Variants in ABCB5 observed in about 807,000 individuals in gnomAD.
ABCB5 encodes ATP binding cassette subfamily B member 5, also known as ATP-binding cassette sub-family B member 5.
Under a neutral mutation model 144.2 loss-of-function variants are expected in ABCB5, and 155 were observed. The observed-to-expected ratio is 1.08, with a 90% CI of 0.94 to 1.23. The LOEUF is 1.23. ABCB5 is among the 50% of genes most tolerant of loss of function. ABCB5 has a pLI of 0.00. For missense variants in ABCB5, 1,830 were observed against 1,520.8 expected, an observed-to-expected ratio of 1.20 and a Z score of -3.38; for synonymous variants, 610 against 528.6, an observed-to-expected ratio of 1.15 and a Z score of -2.11.
intron 20 of ABCB5, among the ~76,000 whole-genome samples, chr7:20,717,689 G>T (rs1412275534): frequency 1.3e-5 from 2 of 151,282 alleles, no homozygotes; most frequent in African/African-American, 2.4e-5. Flanking sequence ...TGCCCGCCTC[G>T]GCCTCCCAAA....
At chr7:20,703,336 T>C (rs1416955781) in intron 19 of ABCB5, among the ~76,000 whole-genome samples, 1 of 152,194 alleles carries the variant, frequency 6.6e-6, no homozygotes, top group Non-Finnish European at 1.5e-5. Flanking sequence ...TGTTAGGCTC[T>C]TGCCTGGGAT....
intron 13 of ABCB5, 26 bp downstream of exon 13, chr7:20,651,649 C>A: frequency 6.2e-7 from 1 of 1,610,116 alleles, no homozygotes; most frequent in Non-Finnish European, 8.5e-7. Flanking sequence ...AGCCTGTGTC[C>A]TTAGCTTATG....
chr7:20,662,164 C>T (rs993904104), intron 14 of ABCB5, among the ~76,000 whole-genome samples: 4 of 152,146 alleles, frequency 2.6e-5, no homozygotes, highest in Admixed American at 6.5e-5. Flanking sequence ...AAGGGAGTTT[C>T]GGCCACACCA....
rs1482615990 is a variant in ABCB5 at position 20,711,883 on chromosome 7, TC to T, written c.2421+7079del. Among the ~76,000 whole-genome samples the T allele has an allele frequency of 1.8e-3, 195 of 108,120 alleles. 19 individuals are homozygous for T. The highest frequency in any genetic ancestry group is 6.2e-3 in the African/African-American group (176 of 28,292). 70.9% of individuals were successfully genotyped at this position (108,120 alleles called of 152,430 possible). On this transcript the variant is annotated intron_variant, in intron 20 of 27. Coordinates refer to ENST00000404938, the MANE Select transcript of ABCB5 (RefSeq NM_001163941.2). Reference sequence around the variant, plus strand: ...TTTCCTTCCTCCCTCCCTCCCTCCCTCCCTCCCTCCTTCCTTCCTTCCTTCC... The same window carrying T: ...TTTCCTTCCTCCCTCCCTCCCTCCCTCCTCCCTCCTTCCTTCCTTCCTTCC...
intron 23 of ABCB5, 110 bp from the exon 24 acceptor site, chr7:20,738,873 C>G: frequency 1.6e-6 from 2 of 1,249,376 alleles, no homozygotes; most frequent in African/African-American, 3.1e-5. Flanking sequence ...GGGGTGCCGT[C>G]TACATCAAAA....
chr7:20,730,237 T>G (rs1449372402), intron 23 of ABCB5, among the ~76,000 whole-genome samples: 4 of 152,238 alleles, frequency 2.6e-5, no homozygotes. Flanking sequence ...GGGCTGGATG[T>G]GGTGGCTCAT....
At chr7:20,716,303 C>A (rs533825525) in intron 20 of ABCB5, among the ~76,000 whole-genome samples, 115 of 152,190 alleles carry the variant, frequency 7.6e-4, no homozygotes, top group African/African-American at 2.7e-3. Context: ...TAATTGATGA[C>A]AAGTAATTCT....
intron 23 of ABCB5, among the ~76,000 whole-genome samples, chr7:20,735,199 G>A (rs1782345719): frequency 1.3e-5 from 2 of 152,218 alleles, no homozygotes. Context: ...AAAACTGCCT[G>A]AGAAGCAGAA....
chr7:20,753,381 C>T lies in ABCB5; in HGVS notation c.3451C>T (p.Leu1151=), dbSNP rs534889814. The change falls in exon 27 of 28, where the codon CTG becomes TTG. Residue 1151 remains leucine (L), a synonymous_variant. Transcript: ENST00000404938. Reference sequence around the variant, plus strand: ...ATAGAAATACAACACACAAGTTGGACTGAAAGGAGCACAGCTTTCTGGCGG... The same window carrying T: ...ATAGAAATACAACACACAAGTTGGATTGAAAGGAGCACAGCTTTCTGGCGG... The part of the protein sequence containing the change: ...LPEKYNTQVG[L]KGAQLSGGQK... 1.2e-6 allele frequency: 2 copies of T among 1,613,422 alleles called. No individual in the cohort carries two copies. The highest frequency in any genetic ancestry group is 1.7e-5 in the Admixed American group (1 of 59,954).
At chr7:20,626,502 T>C in intron 2 of ABCB5, 55 bp from the exon 3 acceptor site, 1 of 1,525,944 alleles carries the variant, frequency 6.6e-7, no homozygotes, top group South Asian at 1.2e-5. Flanking sequence ...AATGGAAAAA[T>C]TTTGCAAATT....
rs1783098480 is a variant in ABCB5 at position 20,756,750 on chromosome 7, A to C, written c.*1126A>C. On this transcript the variant is annotated 3_prime_UTR_variant, in exon 28 of 28. Transcript: ENST00000404938. ...TTTTATATATACTTTATCATATATA[A>C]TGTGTGAATGATTTTAAAGTTCTGT... The C allele has an allele frequency of 6.6e-6, 1 of 152,184 alleles. No homozygotes were observed. The highest frequency in any genetic ancestry group is 2.1e-4 in the South Asian group (1 of 4,832). The allele number at this position is 152,184 out of a possible 1,614,324, so 9.4% of individuals were successfully genotyped here.
chr7:20,668,171 G>C (rs1293971980), intron 14 of ABCB5, among the ~76,000 whole-genome samples: 15 of 143,390 alleles, frequency 1.0e-4, no homozygotes, highest in African/African-American at 4.0e-4. Flanking sequence ...GAGCGTCTCT[G>C]CCTGGCCCCC....
intron 16 of ABCB5, among the ~76,000 whole-genome samples, chr7:20,688,302 T>C (rs67937303): frequency 0.19 from 29,309 of 152,144 alleles, 2,862 homozygotes; most frequent in East Asian, 0.24. Flanking sequence ...GGGAGTTCTA[T>C]TAGTCTGGGT....
intron 20 of ABCB5, among the ~76,000 whole-genome samples, chr7:20,722,737 G>C (rs539629854): frequency 6.6e-6 from 1 of 151,940 alleles, no homozygotes; most frequent in South Asian, 2.1e-4. Context: ...CAAGAGAATC[G>C]CTTGAACCCA....
intron 26 of ABCB5, among the ~76,000 whole-genome samples, chr7:20,752,575 G>A (rs756135990): frequency 2.6e-5 from 4 of 152,164 alleles, no homozygotes; most frequent in South Asian, 2.1e-4. Context: ...CTGGCCAGGC[G>A]CGGTAGCTCA....
chr7:20,681,046 TTCTC>T (rs1284240190), intron 14 of ABCB5, among the ~76,000 whole-genome samples: 6 of 20,448 alleles, frequency 2.9e-4, no homozygotes, highest in Non-Finnish European at 5.3e-4. Flanking sequence ...CTTTCTTTCT[TTCTC>T]TCTCTCTCTC....
At chr7:20,724,457 A>G (rs1781967932) in intron 21 of ABCB5, among the ~76,000 whole-genome samples, 2 of 151,962 alleles carry the variant, frequency 1.3e-5, no homozygotes, top group South Asian at 2.1e-4. Context: ...ATGAAACCCC[A>G]TCTCTACGAA....
intron 20 of ABCB5, among the ~76,000 whole-genome samples, chr7:20,711,278 T>C (rs564356715): frequency 4.7e-5 from 7 of 149,868 alleles, no homozygotes; most frequent in African/African-American, 1.7e-4. Flanking sequence ...CCTATTTCCA[T>C]TGGTATCATT....
Position 20,658,345 on chromosome 7 carries a change from G to C in ABCB5, c.1537-161G>C, listed in dbSNP as rs147921794. On this transcript the variant is annotated intron_variant, in intron 13 of 27. Transcript: ENST00000404938. ...TTGGGCTCTTTTTTTTTTTTTTACAGCGGTTTGTTTTCACAAAGAACAAAT... is the reference window on the plus strand; with the variant it reads ...TTGGGCTCTTTTTTTTTTTTTTACACCGGTTTGTTTTCACAAAGAACAAAT... 1.7e-3 allele frequency among the ~76,000 whole-genome samples: 236 copies of C among 137,298 alleles called. 1 individual carries two copies. The highest frequency in any genetic ancestry group is 0.016 in the East Asian group (80 of 4,932). 90.1% of individuals were successfully genotyped at this position (137,298 alleles called of 152,430 possible).
Sources: allele counts gnomAD v4.1 joint callset (sites outside exome capture counted in the v4.1 genomes callset), GRCh38; gene constraint gnomAD v4.1.1; transcripts MANE v1.5; gene names NCBI Gene and HGNC (gene_info 2026-07-23, HGNC 2026-07-21).